The following PALM2AKAP2 variants were observed in gnomAD, a reference collection of about 807,000 sequenced individuals.
The protein encoded by PALM2AKAP2 is PALM2 and AKAP2 fusion.
In PALM2AKAP2, 37 loss-of-function variants were observed where a neutral mutation model predicts 71.5. The observed-to-expected ratio is 0.52, with a 90% CI of 0.40 to 0.68. The LOEUF (loss-of-function observed/expected upper bound fraction) is 0.68, where lower values mean the gene tolerates loss of function less well. Ranked by LOEUF, PALM2AKAP2 falls within the 30% of genes least tolerant of loss-of-function variation. PALM2AKAP2 has a pLI of 0.00. For synonymous variants in PALM2AKAP2, 468 were observed against 478.8 expected, an observed-to-expected ratio of 0.98 and a Z score of 0.29; for missense variants, 1,224 against 1,191.8, an observed-to-expected ratio of 1.03 and a Z score of -0.40.
rs377402520 is a variant in PALM2AKAP2 at position 109,885,665 on chromosome 9, C to T, written c.257+4984C>T. On this transcript the variant is annotated intron_variant, in intron 3 of 9. Transcript: ENST00000302798. Reference sequence around the variant, plus strand: ...CCCTTGATTCAGACTGTTTCTGAGCCTTCCTACTTTGACCCAAGGATATGT... The same window carrying T: ...CCCTTGATTCAGACTGTTTCTGAGCTTTCCTACTTTGACCCAAGGATATGT... Among the ~76,000 whole-genome samples, 4 of 152,330 alleles carry T rather than the reference C, an allele frequency of 2.6e-5. No homozygotes were observed. The South Asian group carries it at 8.3e-4, about 32-fold the overall frequency.
chr9:110,088,703 GTTTTTT>G (rs71373964), intron 1 of PALM2AKAP2, among the ~76,000 whole-genome samples: 33 of 75,570 alleles, frequency 4.4e-4, no homozygotes, highest in Non-Finnish European at 5.2e-4. Flanking sequence ...GCATTTACGT[GTTTTTT>G]TTTTTTTTTT....
intron 1 of PALM2AKAP2, among the ~76,000 whole-genome samples, chr9:109,854,910 A>G (rs1375483378): frequency 1.3e-5 from 2 of 150,742 alleles, no homozygotes; most frequent in African/African-American, 2.4e-5. Context: ...AGCTGGGACT[A>G]CAGGTGTGTG....
At chr9:110,010,110 G>T (rs936926021) in intron 6 of PALM2AKAP2, among the ~76,000 whole-genome samples, 9 of 152,074 alleles carry the variant, frequency 5.9e-5, no homozygotes, top group African/African-American at 2.2e-4. Context: ...TTTCTGAGAG[G>T]TCTTTATAAA....
At chr9:110,138,913 A>G (rs556904046) in intron 2 of PALM2AKAP2, among the ~76,000 whole-genome samples, 47 of 152,356 alleles carry the variant, frequency 3.1e-4, no homozygotes, top group African/African-American at 1.1e-3. Flanking sequence ...TGTTGGAATC[A>G]GTAGCTTGAC....
chr9:109,852,467 C>T (rs1248139672), intron 1 of PALM2AKAP2, among the ~76,000 whole-genome samples: 1 of 152,150 alleles, frequency 6.6e-6, no homozygotes, highest in Admixed American at 6.5e-5. Context: ...GATTTCATGT[C>T]TTTGTTCCTG....
intron 1 of PALM2AKAP2, among the ~76,000 whole-genome samples, chr9:109,795,731 A>G (rs1827234819): frequency 6.6e-6 from 1 of 152,236 alleles, no homozygotes; most frequent in South Asian, 2.1e-4. Context: ...GAGATTCACT[A>G]TAGTCAGGCC....
At chr9:110,101,518 AG>A (rs1835000277) in intron 1 of PALM2AKAP2, among the ~76,000 whole-genome samples, 1 of 152,196 alleles carries the variant, frequency 6.6e-6, no homozygotes, top group Middle Eastern at 3.2e-3. Flanking sequence ...ACACGCTTTC[AG>A]GGGCTGAAAG....
intron 6 of PALM2AKAP2, among the ~76,000 whole-genome samples, chr9:110,015,606 C>CAATA (rs893037460): frequency 9.9e-4 from 151 of 151,974 alleles, no homozygotes; most frequent in African/African-American, 3.6e-3. Context: ...AACTTGGTCT[C>CAATA]AATAAATAAA....
intron 1 of PALM2AKAP2, among the ~76,000 whole-genome samples, chr9:109,734,458 T>C (rs573872568): frequency 1.3e-5 from 2 of 152,354 alleles, no homozygotes; most frequent in African/African-American, 4.8e-5. Flanking sequence ...AATTCAGTCC[T>C]TTATTTGTCA....
chr9:109,791,900 A>G (rs573678426), intron 1 of PALM2AKAP2, among the ~76,000 whole-genome samples: 1 of 152,170 alleles, frequency 6.6e-6, no homozygotes, highest in Non-Finnish European at 1.5e-5. Context: ...GCCAAACCAA[A>G]CATAACACAG....
At chr9:110,136,432 T>C in exon 2 of PALM2AKAP2, 1 of 1,614,152 alleles carries the variant, frequency 6.2e-7, no homozygotes. Context: ...CCAACTGCTG[T>C]GATTCTGCTG....
At chr9:109,718,060 T>C (rs1828352633) in intron 1 of PALM2AKAP2, among the ~76,000 whole-genome samples, 1 of 152,138 alleles carries the variant, frequency 6.6e-6, no homozygotes, top group African/African-American at 2.4e-5. Flanking sequence ...TCAGTTACCT[T>C]ATTTTTCGTT....
chr9:109,990,067 C>CTTTTTTTTTT (rs35739397), intron 6 of PALM2AKAP2, among the ~76,000 whole-genome samples: 12 of 134,112 alleles, frequency 8.9e-5, no homozygotes, highest in South Asian at 2.3e-4. Flanking sequence ...TTCTTTCTTT[C>CTTTTTTTTTT]TTTTTTTTTT....
chr9:110,117,160 C>T (rs1033406398), intron 1 of PALM2AKAP2, among the ~76,000 whole-genome samples: 2 of 152,130 alleles, frequency 1.3e-5, no homozygotes, highest in Admixed American at 1.3e-4. Context: ...CATTCTGTTG[C>T]CCAGACTGGA....
At chr9:109,971,423 A>G (rs1832067315) in intron 6 of PALM2AKAP2, among the ~76,000 whole-genome samples, 1 of 150,976 alleles carries the variant, frequency 6.6e-6, no homozygotes, top group Admixed American at 6.6e-5. Flanking sequence ...TTCAAGAAAG[A>G]CTTGAATTGC....
rs191228384 is a variant in PALM2AKAP2 at position 109,948,619 on chromosome 9, C to T, written c.496+16591C>T. 1.9e-3 allele frequency among the ~76,000 whole-genome samples: 285 copies of T among 152,254 alleles called. 4 individuals carry two copies. Among genetic ancestry groups the T allele is most frequent in the Admixed American group, 0.014 (215 of 15,296 alleles). On this transcript the variant is annotated intron_variant, in intron 6 of 9. Transcript: ENST00000302798. Reference sequence around the variant, plus strand: ...AGGTTGAGGTATAAAGGGTCGTCTTCTCCTCATATTGCCTCTTCATAATCA... The same window carrying T: ...AGGTTGAGGTATAAAGGGTCGTCTTTTCCTCATATTGCCTCTTCATAATCA...
At chr9:109,672,518 G>C (rs1358255185) in intron 1 of PALM2AKAP2, among the ~76,000 whole-genome samples, 1 of 152,052 alleles carries the variant, frequency 6.6e-6, no homozygotes, top group Non-Finnish European at 1.5e-5. Flanking sequence ...ATCGTGTTGA[G>C]GATTTTTGCA....
intron 6 of PALM2AKAP2, among the ~76,000 whole-genome samples, chr9:109,987,416 A>G (rs1235799380): frequency 6.6e-6 from 1 of 152,178 alleles, no homozygotes; most frequent in Non-Finnish European, 1.5e-5. Flanking sequence ...GGCATGAGCC[A>G]CCATGACCAG....
chr9:110,019,883 C>T (rs372526112), intron 7 of PALM2AKAP2, among the ~76,000 whole-genome samples: 1 of 152,178 alleles, frequency 6.6e-6, no homozygotes, highest in African/African-American at 2.4e-5. Context: ...AGTCCAAATC[C>T]CAGCATTACG....
Sources: gnomAD v4.1 joint callset for allele counts (sites outside exome capture counted in the v4.1 genomes callset) on GRCh38, gnomAD v4.1.1 for gene constraint, MANE v1.5 for transcripts, NCBI Gene and HGNC (gene_info 2026-07-23, HGNC 2026-07-21) for gene names.